SLC34A2: variants seen among roughly 807,000 people sequenced by gnomAD.
SLC34A2 encodes the protein sodium-dependent phosphate transport protein 2B.
SLC34A2 carries 41 observed loss-of-function variants against 50.8 expected under a neutral mutation model. The ratio of observed to expected loss-of-function variants is 0.81; its 90% CI spans 0.63 to 1.05. The LOEUF (loss-of-function observed/expected upper bound fraction) is 1.05, where lower values mean the gene tolerates loss of function less well. SLC34A2 is among the 50% of genes least tolerant of loss of function. The probability of loss-of-function intolerance (pLI) is 0.00; values close to 1 mark genes in which losing one functional copy is unlikely to be tolerated. For synonymous variants in SLC34A2, 401 were observed against 364.2 expected (o/e 1.10, Z -1.15); for missense variants, 879 against 876.7 (o/e 1.00, Z -0.03).
chr4:25,667,516 A>C (rs73258067), intron 5 of SLC34A2, among the ~76,000 whole-genome samples: 5,897 of 152,308 alleles, frequency 0.039, 154 homozygotes, highest in Non-Finnish European at 0.058. Flanking sequence ...ATCTCAAAAA[A>C]TAAAAATAAA....
chr4:25,675,688 A>C (rs1251691969), intron 12 of SLC34A2, among the ~76,000 whole-genome samples: 1 of 152,230 alleles, frequency 6.6e-6, no homozygotes, highest in Non-Finnish European at 1.5e-5. Flanking sequence ...TACTTAAAGC[A>C]CATCTCAGTG....
intron 8 of SLC34A2, 143 bp from the exon 9 acceptor site, chr4:25,671,458 T>G: frequency 1.0e-6 from 1 of 970,820 alleles, no homozygotes; most frequent in Non-Finnish European, 1.7e-6. Context: ...AAATAAGTCT[T>G]CAAGAGAAAA....
Position 25,664,301 on chromosome 4 carries a change from T to C in SLC34A2, c.350T>C (p.Ile117Thr). The C allele has an allele frequency of 1.2e-6, 2 of 1,614,104 alleles. No individual in the cohort carries two copies. The highest frequency in any genetic ancestry group is 1.7e-6 in the Non-Finnish European group (2 of 1,179,998). Residue 117 changes from isoleucine (I) to threonine (T), a missense_variant, in exon 4 of 13, where the codon ATT becomes ACT. Coordinates refer to ENST00000382051, the MANE Select transcript of SLC34A2 (RefSeq NM_006424.3). ...FLYFFVCSLD[I>T]LSSAFQLVGG... ...TACTTTTTCGTGTGCTCCCTGGATA[T>C]TCTTAGTAGCGCCTTCCAGCTGGTT...
chr4:25,672,859 T>C (rs1265142354), intron 9 of SLC34A2, among the ~76,000 whole-genome samples: 1 of 152,104 alleles, frequency 6.6e-6, no homozygotes, highest in Non-Finnish European at 1.5e-5. Context: ...TTTAAAGCCA[T>C]CACTTCATCT....
rs199873678 is a variant in SLC34A2 at position 25,671,583 on chromosome 4, G to A, written c.928-18G>A. ...CTAAAAGCCAGTGTTGTGGGCATTT[G>A]TCATGTTTGTCATCCAGACCCAGAT... On this transcript the variant is annotated intron_variant, in intron 8 of 12. Coordinates refer to ENST00000382051, the MANE Select transcript of SLC34A2 (RefSeq NM_006424.3). 6.2e-7 allele frequency: 1 copy of A among 1,612,466 alleles called. No homozygotes were observed. The highest frequency in any genetic ancestry group is 2.2e-5 in the East Asian group (1 of 44,766).
intron 7 of SLC34A2, 58 bp downstream of exon 7, chr4:25,669,900 A>C: frequency 1.5e-6 from 2 of 1,375,136 alleles, no homozygotes; most frequent in Non-Finnish European, 2.1e-6. Flanking sequence ...AACATCCCCT[A>C]CCTGAGCTGA....
chr4:25,656,665 A>C (rs765052593), intron 1 of SLC34A2: 1 of 152,352 alleles, frequency 6.6e-6, no homozygotes, highest in Non-Finnish European at 1.5e-5. Flanking sequence ...GCTGCATGGC[A>C]TGGAGTTAGT....
rs375957675 is a variant in SLC34A2, at chr4:25,667,777, A to G, written c.524-103A>G. ...AAAAAGTTTAAGAATTCACTTGCAT[A>G]GAGGATAAAAACTACTTCTTTAGAG... On this transcript the variant is annotated intron_variant, in intron 5 of 12. Coordinates refer to ENST00000382051, the MANE Select transcript of SLC34A2 (RefSeq NM_006424.3). The G allele has an allele frequency of 7.9e-6, 6 of 760,546 alleles. No individual in the cohort carries two copies. In the African/African-American group the frequency reaches 1.0e-4, roughly 13 times the overall value. 47.1% of individuals were successfully genotyped at this position (760,546 alleles called of 1,614,324 possible).
chr4:25,667,980 T>A lies in SLC34A2; in HGVS notation c.624T>A (p.Ser208Arg). ...IVALMQVGDR[S>R]EFRRAFAGAT... Reference sequence around the variant, plus strand: ...CGCTCATGCAGGTGGGAGATCGGAGTGAGTTCAGAAGGTAAGAGGCTCAAA... The same window carrying A: ...CGCTCATGCAGGTGGGAGATCGGAGAGAGTTCAGAAGGTAAGAGGCTCAAA... The change falls in exon 6 of 13, where the codon AGT becomes AGA. Residue 208 changes from serine (S) to arginine (R), a missense_variant. By Grantham distance (110) the Ser-to-Arg change is moderately radical. Transcript: ENST00000382051. 2 of 1,610,096 alleles carry A rather than the reference T, an allele frequency of 1.2e-6. No homozygotes were observed. The highest frequency in any genetic ancestry group is 1.7e-6 in the Non-Finnish European group (2 of 1,176,680).
At chr4:25,670,489 G>A (rs1249742682) in intron 7 of SLC34A2, among the ~76,000 whole-genome samples, 1 of 152,164 alleles carries the variant, frequency 6.6e-6, no homozygotes, top group Non-Finnish European at 1.5e-5. Flanking sequence ...CCTTCTCCCT[G>A]GGTCCTTGCT....
chr4:25,674,620 T>C lies in SLC34A2; in HGVS notation c.1449T>C (p.Ser483=). The C allele has an allele frequency of 6.2e-7, 1 of 1,614,146 alleles. No homozygotes were observed. Among genetic ancestry groups the C allele is most frequent in the Non-Finnish European group, 8.5e-7 (1 of 1,180,020 alleles). The change falls in exon 12 of 13, where the codon AGT becomes AGC. Residue 483 remains serine, a synonymous_variant. Transcript: ENST00000382051. ...CCAGCCCTGGCAATGCATTGAGGAG[T>C]TCACTCCAGGTCAGGACTTGGGGCA... is the stretch of plus-strand genomic sequence containing the variant. The part of the protein sequence containing the change: ...ALASPGNALR[S]SLQIALCHFF...
chr4:25,661,351 G>T (rs971722444), intron 1 of SLC34A2, among the ~76,000 whole-genome samples: 1 of 152,138 alleles, frequency 6.6e-6, no homozygotes, highest in Non-Finnish European at 1.5e-5. Context: ...GGCCTGGGTG[G>T]TAGGTAAAAC....
In SLC34A2 at chr4:25,667,887, T is replaced by A; in HGVS notation, c.531T>A (p.Thr177=). 6.2e-7 allele frequency: 1 copy of A among 1,611,536 alleles called. No homozygotes were observed. Among genetic ancestry groups the A allele is most frequent in the Non-Finnish European group, 8.5e-7 (1 of 1,177,598 alleles). Residue 177 remains threonine (T), a synonymous_variant, in exon 6 of 13, where the codon ACT becomes ACA. Coordinates refer to ENST00000382051, the MANE Select transcript of SLC34A2 (RefSeq NM_006424.3). Reference sequence around the variant, plus strand: ...TACTTTTCCATCCTCTAGTGCTCACTGTTCGGGCTGCCATCCCCATTATCA... The same window carrying A: ...TACTTTTCCATCCTCTAGTGCTCACAGTTCGGGCTGCCATCCCCATTATCA... The part of the protein sequence containing the change: ...VVSMVSSSLL[T]VRAAIPIIMG...
In SLC34A2 at chr4:25,676,838, CGAGGA is replaced by C; in HGVS notation, c.*92_*96del. 6.4e-7 allele frequency: 1 copy of C among 1,572,974 alleles called. No homozygotes were observed. Among genetic ancestry groups the C allele is most frequent in the South Asian group, 1.1e-5 (1 of 88,588 alleles). ...CCACTTCTGCACCCTTTCACCACCT[CGAGGA>C]GATTTGCTCCCCATTAGCGAATGAA... On this transcript the variant is annotated 3_prime_UTR_variant, in exon 13 of 13. Coordinates refer to ENST00000382051, the MANE Select transcript of SLC34A2 (RefSeq NM_006424.3).
intron 12 of SLC34A2, 70 bp from the exon 13 acceptor site, chr4:25,676,065 C>T: frequency 6.3e-7 from 1 of 1,593,112 alleles, no homozygotes; most frequent in Non-Finnish European, 8.5e-7. Context: ...GCTTACCTCC[C>T]CCTCCTCCTC....
At chr4:25,662,089 C>T (rs920067004) in intron 1 of SLC34A2, among the ~76,000 whole-genome samples, 2 of 152,130 alleles carry the variant, frequency 1.3e-5, no homozygotes, top group Non-Finnish European at 2.9e-5. Context: ...CAAGGCTGGT[C>T]TCAAACTCCT....
chr4:25,673,268 C>T lies in SLC34A2; in HGVS notation c.1216+14C>T, dbSNP rs1329606824. ...CCATCAACACTGGTAGGTACACTGC[C>T]CTCACTTGTAGGCCTCACATGTAGT... On this transcript the variant is annotated intron_variant, in intron 10 of 12. Transcript: ENST00000382051. 1.9e-6 allele frequency: 3 copies of T among 1,544,562 alleles called. No individual in the cohort carries two copies. The highest frequency in any genetic ancestry group is 1.7e-6 in the Non-Finnish European group (2 of 1,154,888).
chr4:25,677,062 C>A lies in SLC34A2; in HGVS notation c.*313C>A. On this transcript the variant is annotated 3_prime_UTR_variant, in exon 13 of 13. Coordinates refer to ENST00000382051, the MANE Select transcript of SLC34A2 (RefSeq NM_006424.3). ...GCCTAGCTGGGTTGGTCAGTAGAAC[C>A]TATTTTCAGACTCAAAAACCATCTT... 1 of 377,452 alleles carries A rather than the reference C, an allele frequency of 2.6e-6. No homozygotes were observed. The highest frequency in any genetic ancestry group is 4.9e-6 in the Non-Finnish European group (1 of 205,030). 23.4% of individuals were successfully genotyped at this position (377,452 alleles called of 1,614,324 possible). A position where few individuals can be genotyped will look rare whatever the true frequency, so the allele number is the denominator to read the frequency against.
chr4:25,671,345 G>A (rs1194664429), intron 8 of SLC34A2, among the ~76,000 whole-genome samples: 1 of 152,114 alleles, frequency 6.6e-6, no homozygotes, highest in Non-Finnish European at 1.5e-5. Context: ...TTTTTGTGGG[G>A]TGCTAAAGAC....
Sources: gnomAD v4.1 joint callset for allele counts (sites outside exome capture counted in the v4.1 genomes callset) on GRCh38, gnomAD v4.1.1 for gene constraint, MANE v1.5 for transcripts, NCBI Gene and HGNC (gene_info 2026-07-23, HGNC 2026-07-21) for gene names.